Variants in ANKRD44 observed in about 807,000 individuals in gnomAD.
ANKRD44 encodes serine/threonine-protein phosphatase 6 regulatory ankyrin repeat subunit B.
Under a neutral mutation model 116.0 loss-of-function variants are expected in ANKRD44, and 35 were observed. That is an observed-to-expected ratio of 0.30 (90% CI 0.23 to 0.40). ANKRD44 has a LOEUF of 0.40. ANKRD44 is among the 10% of genes least tolerant of loss of function. The pLI is 1.00. For missense variants in ANKRD44, 1,014 were observed against 1,242.6 expected (o/e 0.82, Z 2.77); for synonymous variants, 435 against 461.8 (o/e 0.94, Z 0.74).
intron 8 of ANKRD44, among the ~76,000 whole-genome samples, chr2:197,118,396 C>T (rs2078762657): frequency 6.6e-6 from 1 of 151,518 alleles, no homozygotes; most frequent in Non-Finnish European, 1.5e-5. Context: ...AGAGACCAGC[C>T]TGGCCAACAT....
At chr2:197,059,041 G>A (rs545628566) in intron 16 of ANKRD44, among the ~76,000 whole-genome samples, 18 of 152,142 alleles carry the variant, frequency 1.2e-4, no homozygotes, top group Admixed American at 1.0e-3. Context: ...TCATCTAGAT[G>A]ATATTCCCAG....
chr2:197,209,445 T>A (rs752714602), intron 1 of ANKRD44, among the ~76,000 whole-genome samples: 1 of 152,142 alleles, frequency 6.6e-6, no homozygotes, highest in African/African-American at 2.4e-5. Context: ...CTGACAAATA[T>A]GTAGTCAGAG....
intron 13 of ANKRD44, among the ~76,000 whole-genome samples, chr2:197,085,609 C>T (rs966608081): frequency 6.6e-6 from 1 of 152,144 alleles, no homozygotes; most frequent in Non-Finnish European, 1.5e-5. Context: ...ACACTCCCAC[C>T]AGCCCCATGA....
intron 1 of ANKRD44, among the ~76,000 whole-genome samples, chr2:197,241,765 T>A (rs1055043586): frequency 1.3e-5 from 2 of 152,130 alleles, no homozygotes; most frequent in Non-Finnish European, 2.9e-5. Context: ...GTTTTGATAG[T>A]AACATGAGAA....
intron 18 of ANKRD44, among the ~76,000 whole-genome samples, chr2:197,009,482 T>G (rs1235064843): frequency 6.6e-6 from 1 of 150,824 alleles, no homozygotes; most frequent in Non-Finnish European, 1.5e-5. Flanking sequence ...TTCAAGTGAT[T>G]ATTCTGCCTC....
intron 21 of ANKRD44, among the ~76,000 whole-genome samples, chr2:196,970,595 C>T (rs534553795): frequency 1.1e-4 from 16 of 151,738 alleles, no homozygotes; most frequent in Admixed American, 7.9e-4. Flanking sequence ...ACTTACCCAC[C>T]CCCCCAATCC....
chr2:197,107,188 A>G (rs2078451793), intron 9 of ANKRD44, among the ~76,000 whole-genome samples: 1 of 152,244 alleles, frequency 6.6e-6, no homozygotes, highest in South Asian at 2.1e-4. Context: ...TGATCAGCTT[A>G]TTAAGTTGCC....
intron 1 of ANKRD44, among the ~76,000 whole-genome samples, chr2:197,240,582 C>A (rs910941436): frequency 6.6e-6 from 1 of 150,926 alleles, no homozygotes; most frequent in Admixed American, 6.6e-5. Context: ...AAAACCTCCA[C>A]AAAATTGCTA....
intron 12 of ANKRD44, 71 bp from the exon 13 acceptor site, chr2:197,086,819 T>C (rs1458598305): frequency 2.1e-6 from 3 of 1,450,434 alleles, no homozygotes; most frequent in Non-Finnish European, 2.9e-6. Flanking sequence ...CAAGAGCTAT[T>C]TTCTGCAGAG....
At position 197,188,608 on chromosome 2, in the gene ANKRD44, G is replaced by A. The variant is rs184775744; in HGVS notation, c.28-1502C>T. On this transcript the variant is annotated intron_variant, in intron 1 of 27. Coordinates refer to ENST00000282272, the MANE Select transcript of ANKRD44 (RefSeq NM_001195144.2). ...TAACCTCCTCATGGGATTGTTATTA[G>A]GATCAAATGAGGTAGTACATGAGAA... is the stretch of plus-strand genomic sequence containing the variant. Among the ~76,000 whole-genome samples, 724 of 152,280 alleles carry A rather than the reference G, an allele frequency of 4.8e-3. 16 individuals carry two copies. Among genetic ancestry groups the A allele is most frequent in the Non-Finnish European group, 1.7e-3 (119 of 68,012 alleles).
chr2:197,297,543 C>T (rs2105898420), intron 1 of ANKRD44, among the ~76,000 whole-genome samples: 1 of 152,262 alleles, frequency 6.6e-6, no homozygotes, highest in African/African-American at 2.4e-5. Context: ...ACAACTTCCC[C>T]GTAAAGCAAG....
intron 9 of ANKRD44, 95 bp from the exon 10 acceptor site, chr2:197,100,025 T>C (rs2078252990): frequency 3.5e-6 from 4 of 1,133,274 alleles, no homozygotes; most frequent in Admixed American, 2.3e-5. Context: ...CAAATGTTGA[T>C]TTCTTTCCTA....
At chr2:197,160,602 A>G (rs1422566937) in intron 2 of ANKRD44, among the ~76,000 whole-genome samples, 2 of 152,138 alleles carry the variant, frequency 1.3e-5, no homozygotes, top group African/African-American at 2.4e-5. Flanking sequence ...TCCATTCTTT[A>G]TCCTTAATCT....
chr2:196,989,857 G>GT (rs2075888179), intron 27 of ANKRD44: 2 of 1,240,594 alleles, frequency 1.6e-6, no homozygotes, highest in African/African-American at 3.1e-5. Flanking sequence ...TGATTCTGAT[G>GT]TTTTTTAAAA....
chr2:196,985,229 G>A (rs2125867496), downstream of ANKRD44, among the ~76,000 whole-genome samples: 1 of 152,278 alleles, frequency 6.6e-6, no homozygotes, highest in East Asian at 1.9e-4. Flanking sequence ...ATCGTTCCCA[G>A]GCCAACACCA....
chr2:197,244,153 C>T (rs766515808), intron 1 of ANKRD44, among the ~76,000 whole-genome samples: 2 of 152,188 alleles, frequency 1.3e-5, no homozygotes, highest in East Asian at 1.9e-4. Context: ...ACTTAGGTAG[C>T]TATAACTGGC....
intron 9 of ANKRD44, among the ~76,000 whole-genome samples, chr2:197,102,191 T>C (rs1574459324): frequency 6.6e-6 from 1 of 152,228 alleles, no homozygotes; most frequent in East Asian, 1.9e-4. Flanking sequence ...TGCACAGTTG[T>C]ACTAGTTTAG....
intron 2 of ANKRD44, among the ~76,000 whole-genome samples, chr2:197,152,601 T>C (rs1037940720): frequency 6.6e-6 from 1 of 152,222 alleles, no homozygotes; most frequent in Non-Finnish European, 1.5e-5. Context: ...TTGAGCTGTC[T>C]GTTTACCAAA....
At chr2:197,196,428 G>C (rs980606532) in intron 1 of ANKRD44, among the ~76,000 whole-genome samples, 3 of 152,108 alleles carry the variant, frequency 2.0e-5, no homozygotes, top group African/African-American at 7.2e-5. Flanking sequence ...CAATAAAAAA[G>C]TATTCCTTAT....
Sources: gnomAD v4.1 joint callset for allele counts (sites outside exome capture counted in the v4.1 genomes callset) on GRCh38, gnomAD v4.1.1 for gene constraint, MANE v1.5 for transcripts, NCBI Gene and HGNC (gene_info 2026-07-23, HGNC 2026-07-21) for gene names.